Variants in DNAH1 observed in about 807,000 individuals in gnomAD.
DNAH1 encodes axonemal beta dynein heavy chain 1.
In DNAH1, 327 loss-of-function variants were observed where a neutral mutation model predicts 484.3. That is an observed-to-expected ratio of 0.68 (90% CI 0.62 to 0.74). The LOEUF is 0.74. Among genes scored for constraint, DNAH1 ranks in the 30% least tolerant of loss-of-function variants. The pLI is 0.00. For synonymous variants in DNAH1, 2,192 were observed against 2,191.9 expected (o/e 1.00, Z 0.00); for missense variants, 5,052 against 5,546.8 (o/e 0.91, Z 2.83).
chr3:52,321,475 A>G (rs1456130001), intron 1 of DNAH1, among the ~76,000 whole-genome samples: 1 of 151,946 alleles, frequency 6.6e-6, no homozygotes, highest in African/African-American at 2.4e-5. Flanking sequence ...TATTTTTTGC[A>G]CTAGCATTAT....
intron 1 of DNAH1, among the ~76,000 whole-genome samples, chr3:52,318,462 G>T (rs999939235): frequency 6.6e-6 from 1 of 152,214 alleles, no homozygotes; most frequent in African/African-American, 2.4e-5. Context: ...TCCTTCTCCA[G>T]ATCCCTACCA....
chr3:52,396,587 C>T, intron 71 of DNAH1, 31 bp from the exon 72 acceptor site: 2 of 1,611,162 alleles, frequency 1.2e-6, no homozygotes, highest in Non-Finnish European at 1.7e-6. Flanking sequence ...CGTCCCCGCT[C>T]CTCACCTCCC....
chr3:52,373,120 A>T, intron 44 of DNAH1, 67 bp downstream of exon 44: 1 of 1,499,604 alleles, frequency 6.7e-7, no homozygotes. Context: ...CAGGAGGCAC[A>T]GCACTGAAGG....
At position 52,382,366 on chromosome 3, in the gene DNAH1, A is replaced by C; in HGVS notation, c.7852A>C (p.Met2618Leu). The change falls in exon 50 of 78, where the codon ATG becomes CTG. Residue 2618 changes from methionine to leucine, a missense_variant. Physicochemically the swap from Met to Leu is conservative, Grantham distance 15 (BLOSUM62 2). Transcript: ENST00000420323. ...GATTGAACTATCCAAGAACTACGGC[A>C]TGTCCGAGTGGCGAGATGATGTGAA... ...FQIELSKNYG[M>L]SEWRDDVKKV... The C allele has an allele frequency of 6.2e-7, 1 of 1,613,988 alleles. No individual in the cohort carries two copies. The highest frequency in any genetic ancestry group is 8.5e-7 in the Non-Finnish European group (1 of 1,179,894).
intron 44 of DNAH1, chr3:52,373,932 C>A: frequency 7.5e-7 from 1 of 1,327,244 alleles, no homozygotes; most frequent in Non-Finnish European, 1.1e-6. Flanking sequence ...GGAAGATGAA[C>A]CAACGTTAGA....
intron 8 of DNAH1, among the ~76,000 whole-genome samples, chr3:52,334,560 G>A (rs1041636019): frequency 6.6e-6 from 1 of 152,122 alleles, no homozygotes; most frequent in Admixed American, 6.6e-5. Flanking sequence ...GGGCCAAGGT[G>A]GGTGGATTGA....
intron 1 of DNAH1, among the ~76,000 whole-genome samples, chr3:52,318,466 C>G (rs1701031338): frequency 6.6e-6 from 1 of 152,238 alleles, no homozygotes. Flanking sequence ...TCTCCAGATC[C>G]CTACCAGAGT....
chr3:52,361,498 T>G lies in DNAH1; in HGVS notation c.4874+146T>G, dbSNP rs1702855093. The stretch of plus-strand genomic sequence containing the variant: ...GGTAATAGGCATCACGGCTTGGTCC[T>G]GGGGGCATTGGGGTGGGGAGTGGCA... On this transcript the variant is annotated intron_variant, in intron 29 of 77. Transcript: ENST00000420323. This position sits in a 1 kb window ranked among gnomAD's most constrained non-coding sequence, Gnocchi z 5.6. The G allele has an allele frequency of 1.6e-6, 2 of 1,237,054 alleles. No individual in the cohort carries two copies. The highest frequency in any genetic ancestry group is 2.6e-5 in the East Asian group (1 of 38,950). 76.6% of individuals were successfully genotyped at this position (1,237,054 alleles called of 1,614,324 possible). A position where few individuals can be genotyped will look rare whatever the true frequency, so the allele number is the denominator to read the frequency against.
Position 52,353,791 on chromosome 3 carries a change from G to C in DNAH1, c.3480+158G>C. 4.2e-6 allele frequency: 4 copies of C among 941,954 alleles called. No individual in the cohort carries two copies. The highest frequency in any genetic ancestry group is 6.2e-6 in the Non-Finnish European group (4 of 644,322). 58.3% of individuals were successfully genotyped at this position (941,954 alleles called of 1,614,324 possible). On this transcript the variant is annotated intron_variant, in intron 20 of 77. Transcript: ENST00000420323. This position sits in a 1 kb window ranked among gnomAD's most constrained non-coding sequence, Gnocchi z 5.0. ...GGTTGAGATGCATTCTATTAAGTGA[G>C]TTAATAATGCACATAAAATTCTTGA...
chr3:52,353,254 C>T lies in DNAH1; in HGVS notation c.3179C>T (p.Ala1060Val). 6.2e-7 allele frequency: 1 copy of T among 1,613,998 alleles called. No homozygotes were observed. Among genetic ancestry groups the T allele is most frequent in the Non-Finnish European group, 8.5e-7 (1 of 1,179,892 alleles). ...AEQLEKNVVE[A>V]FKTMHKCVKQ... ...CAGCTGGAGAAGAACGTGGTTGAAG[C>T]CTTCAAGACCATGCACAAGTGCGTG... The change falls in exon 19 of 78, where the codon GCC (alanine) becomes GTC (valine). Residue 1060 changes from alanine (A) to valine (V), a missense_variant. Ala to Val is a moderately conservative substitution (Grantham distance 64). This residue lies in a region of DNAH1 where 2,929 missense variants were observed against 3,409.4 expected (regional missense o/e 0.86). Transcript: ENST00000420323. This position sits in a 1 kb window ranked among gnomAD's most constrained non-coding sequence, Gnocchi z 5.0.
chr3:52,333,566 T>G (rs976481702), intron 8 of DNAH1, among the ~76,000 whole-genome samples: 5 of 151,996 alleles, frequency 3.3e-5, no homozygotes, highest in African/African-American at 1.2e-4. Flanking sequence ...TTTTGTAGTT[T>G]TAGTAGAGAT....
chr3:52,373,631 T>C (rs1236211165), intron 44 of DNAH1: 13 of 1,436,890 alleles, frequency 9.0e-6, no homozygotes, highest in Middle Eastern at 1.7e-4. Context: ...ATAGAGAACT[T>C]CAAAAACTAC....
At chr3:52,393,146 C>A in intron 65 of DNAH1, 121 bp downstream of exon 65, 1 of 1,426,968 alleles carries the variant, frequency 7.0e-7, no homozygotes, top group Non-Finnish European at 9.6e-7. Context: ...CTCTTAGACT[C>A]ACAATACATA....
In DNAH1 at chr3:52,397,742, T is replaced by C. The variant is rs1229275477; in HGVS notation, c.11823T>C (p.Asn3941=). Residue 3941 remains asparagine, a synonymous_variant, in exon 74 of 78, where the codon AAT becomes AAC. Transcript: ENST00000420323. The part of the protein sequence containing the change: ...YLSYIKSLPL[N]DMPEIFGLHD... ...CCTACATCAAGAGCCTCCCACTCAATGATATGCCTGAGATCTTTGGCCTGC... is the reference window on the plus strand; with the variant it reads ...CCTACATCAAGAGCCTCCCACTCAACGATATGCCTGAGATCTTTGGCCTGC... The C allele has an allele frequency of 6.2e-7, 1 of 1,613,170 alleles. No individual in the cohort carries two copies. The highest frequency in any genetic ancestry group is 1.7e-5 in the Admixed American group (1 of 59,928).
intron 59 of DNAH1, 57 bp downstream of exon 59, chr3:52,388,994 C>T (rs1704246544): frequency 6.6e-7 from 1 of 1,513,692 alleles, no homozygotes; most frequent in Non-Finnish European, 8.8e-7. Flanking sequence ...GAGACCCTTC[C>T]CCCTTGAGGC....
In DNAH1 at chr3:52,322,545, G is replaced by C; in HGVS notation, c.103G>C (p.Glu35Gln). ...AVQVGTHRGL[E>Q]YNPGKILPGS... Reference sequence around the variant, plus strand: ...CCAAGTGGGGACCCACAGGGGCCTAGAGTATAACCCGGGGAAGATTCTTCC... The same window carrying C: ...CCAAGTGGGGACCCACAGGGGCCTACAGTATAACCCGGGGAAGATTCTTCC... Residue 35 changes from glutamate (E) to glutamine (Q), a missense_variant, in exon 2 of 78, where the codon GAG becomes CAG. Physicochemically the swap from Glu to Gln is conservative, Grantham distance 29. Transcript: ENST00000420323. The C allele has an allele frequency of 1.2e-6, 2 of 1,613,900 alleles. No homozygotes were observed. Among genetic ancestry groups the C allele is most frequent in the East Asian group, 2.2e-5 (1 of 44,874 alleles).
chr3:52,366,389 CAA>C, intron 34 of DNAH1, 66 bp from the exon 35 acceptor site: 1 of 1,325,648 alleles, frequency 7.5e-7, no homozygotes, highest in Non-Finnish European at 1.1e-6. Context: ...CAAGGTCACA[CAA>C]GTTAGTGGTG....
intron 63 of DNAH1, among the ~76,000 whole-genome samples, chr3:52,392,228 C>T (rs1704420718): frequency 6.6e-6 from 1 of 152,238 alleles, no homozygotes; most frequent in African/African-American, 2.4e-5. Context: ...AACTGCTCAG[C>T]CCCTTCTAGG....
chr3:52,351,879 T>C, intron 16 of DNAH1, 83 bp from the exon 17 acceptor site: 1 of 1,507,668 alleles, frequency 6.6e-7, no homozygotes, highest in Non-Finnish European at 9.0e-7. Flanking sequence ...CCTGGGTGCC[T>C]GGTGGGATGC....
Sources: allele counts gnomAD v4.1 joint callset (sites outside exome capture counted in the v4.1 genomes callset), GRCh38; gene constraint gnomAD v4.1.1; regional missense constraint gnomAD v4.1.1; non-coding constraint Gnocchi (gnomAD v3.1); transcripts MANE v1.5; gene names NCBI Gene and HGNC (gene_info 2026-07-23, HGNC 2026-07-21).